Variants in CDH19 observed in about 807,000 individuals in gnomAD.
CDH19 encodes the protein cadherin-19.
In CDH19, 67 loss-of-function variants were observed where a neutral mutation model predicts 64.2. That is an observed-to-expected ratio of 1.04 (90% CI 0.86 to 1.28). The LOEUF is 1.28. CDH19 is among the 50% of genes most tolerant of loss of function. The pLI, the probability that CDH19 is intolerant of heterozygous loss-of-function variation, is 0.00. For synonymous variants in CDH19, 346 were observed against 319.3 expected (o/e 1.08, Z -0.89); for missense variants, 1,030 against 929.0 (o/e 1.11, Z -1.41).
intron 3 of CDH19, among the ~76,000 whole-genome samples, chr18:66,559,032 G>A (rs17799413): frequency 0.15 from 22,552 of 151,722 alleles, 1,806 homozygotes; most frequent in South Asian, 0.25. Flanking sequence ...TGAGAAATGC[G>A]GCTCCCATCC....
intron 7 of CDH19, among the ~76,000 whole-genome samples, chr18:66,535,689 CAT>C (rs905101462): frequency 2.7e-5 from 4 of 145,738 alleles, no homozygotes; most frequent in African/African-American, 2.5e-5. Context: ...TAACACATGA[CAT>C]ATTTTATTAC....
In CDH19 at chr18:66,582,639, C is replaced by CAAA. The variant is rs11410904; in HGVS notation, c.-112-10326_-112-10324dup. ...ATATAATTTGCATACTTACTGTCAC[C>CAAA]AAAAAAAAAAAAAAAAAAAAAAAGC... is the stretch of plus-strand genomic sequence containing the variant. On this transcript the variant is annotated intron_variant, in intron 1 of 11. Coordinates refer to ENST00000262150, the MANE Select transcript of CDH19 (RefSeq NM_021153.4). Among the ~76,000 whole-genome samples, 279 of 72,676 alleles carry CAAA rather than the reference C, an allele frequency of 3.8e-3. 5 individuals carry two copies. Among genetic ancestry groups the CAAA allele is most frequent in the East Asian group, 0.011 (24 of 2,116 alleles). 47.7% of individuals were successfully genotyped at this position (72,676 alleles called of 152,430 possible). A position where few individuals can be genotyped will look rare whatever the true frequency, so the allele number is the denominator to read the frequency against.
chr18:66,590,040 T>C (rs1988697220), intron 1 of CDH19, among the ~76,000 whole-genome samples: 2 of 151,896 alleles, frequency 1.3e-5, no homozygotes, highest in Middle Eastern at 3.2e-3. Context: ...ACCTCAATCT[T>C]TAAATAAATA....
At chr18:66,506,307 T>C (rs1022570089) in intron 11 of CDH19, among the ~76,000 whole-genome samples, 1 of 151,956 alleles carries the variant, frequency 6.6e-6, no homozygotes, top group Non-Finnish European at 1.5e-5. Context: ...GTAGAAGAGA[T>C]AAATTGGAAT....
At chr18:66,588,057 T>C (rs1988627849) in intron 1 of CDH19, among the ~76,000 whole-genome samples, 1 of 152,218 alleles carries the variant, frequency 6.6e-6, no homozygotes, top group African/African-American at 2.4e-5. Flanking sequence ...GTTGATTCAC[T>C]GCCAGAGCCA....
chr18:66,540,160 T>A (rs1019731678), intron 7 of CDH19, among the ~76,000 whole-genome samples: 1 of 152,226 alleles, frequency 6.6e-6, no homozygotes, highest in Non-Finnish European at 1.5e-5. Flanking sequence ...AATCTGCTAC[T>A]GGCTTCATTA....
intron 3 of CDH19, among the ~76,000 whole-genome samples, chr18:66,559,588 C>A (rs1427848526): frequency 6.6e-6 from 1 of 151,252 alleles, no homozygotes; most frequent in Admixed American, 6.6e-5. Context: ...TCAAAATATG[C>A]ATATAGTTAC....
At chr18:66,529,787 T>C in intron 9 of CDH19, 58 bp downstream of exon 9, 1 of 1,051,432 alleles carries the variant, frequency 9.5e-7, no homozygotes. Flanking sequence ...TGAAGAAATT[T>C]CATATTATGA....
chr18:66,505,405 A>G, intron 11 of CDH19, 103 bp from the exon 12 acceptor site: 1 of 876,846 alleles, frequency 1.1e-6, no homozygotes, highest in Non-Finnish European at 1.6e-6. Context: ...CTTAAACTTT[A>G]TGATTATAAA....
intron 3 of CDH19, among the ~76,000 whole-genome samples, chr18:66,556,137 T>G (rs534173810): frequency 3.3e-5 from 5 of 151,688 alleles, no homozygotes; most frequent in Admixed American, 1.3e-4. Context: ...TTTTTTAGCA[T>G]GCTTTTTCTA....
rs191354540 is a variant in CDH19, at chr18:66,543,057, G to A, written c.1214+914C>T. 7.9e-5 allele frequency among the ~76,000 whole-genome samples: 12 copies of A among 152,194 alleles called. No individual in the cohort carries two copies. The East Asian group carries it at 1.2e-3, about 15-fold the overall frequency. On this transcript the variant is annotated intron_variant, in intron 7 of 11. Transcript: ENST00000262150. Reference sequence around the variant, plus strand: ...TTTGTTGTCGTTGAGACGGAGTCTCGCTTTGTCACCCAGGCCGGAGTGCAG... The same window carrying A: ...TTTGTTGTCGTTGAGACGGAGTCTCACTTTGTCACCCAGGCCGGAGTGCAG...
chr18:66,569,981 G>A (rs62096297), intron 2 of CDH19, among the ~76,000 whole-genome samples: 1 of 151,506 alleles, frequency 6.6e-6, no homozygotes, highest in East Asian at 1.9e-4. Flanking sequence ...ATAACATGCC[G>A]AATATCAATG....
intron 3 of CDH19, among the ~76,000 whole-genome samples, chr18:66,564,866 T>C (rs1380407998): frequency 5.0e-5 from 1 of 19,934 alleles, no homozygotes; most frequent in Non-Finnish European, 1.1e-4. Flanking sequence ...ATGCCCCTTC[T>C]TTTTTTTTTT....
chr18:66,553,980 C>CCATAACA, intron 4 of CDH19, among the ~76,000 whole-genome samples: 1 of 88,810 alleles, frequency 1.1e-5, no homozygotes. Flanking sequence ...CTCAGTCATT[C>CCATAACA]TGCAGGGTTA....
At chr18:66,511,858 A>C (rs1183641623) in intron 9 of CDH19, among the ~76,000 whole-genome samples, 173 bp from the exon 10 acceptor site, 1 of 151,634 alleles carries the variant, frequency 6.6e-6, no homozygotes, top group Non-Finnish European at 1.5e-5. Flanking sequence ...CAGGTTAAAA[A>C]TATGTTCACT....
chr18:66,538,721 G>A (rs1986774027), intron 7 of CDH19, among the ~76,000 whole-genome samples: 1 of 152,030 alleles, frequency 6.6e-6, no homozygotes. Flanking sequence ...TATCAACAGG[G>A]TCATGCTTCC....
intron 1 of CDH19, among the ~76,000 whole-genome samples, chr18:66,593,729 C>T (rs975687563): frequency 3.3e-5 from 5 of 152,030 alleles, no homozygotes; most frequent in African/African-American, 4.8e-5. Flanking sequence ...TCTTTTATAT[C>T]GGCCTTCAAT....
At chr18:66,559,936 T>C (rs1488773240) in intron 3 of CDH19, among the ~76,000 whole-genome samples, 3 of 151,936 alleles carry the variant, frequency 2.0e-5, no homozygotes, top group African/African-American at 4.8e-5. Flanking sequence ...ACTGTATAAA[T>C]GGTTAACTTG....
At chr18:66,568,272 A>T (rs1402048764) in intron 3 of CDH19, 144 bp downstream of exon 3, 2 of 615,798 alleles carry the variant, frequency 3.2e-6, no homozygotes, top group Non-Finnish European at 5.4e-6. Context: ...GCATAGTCTA[A>T]TTTTTCAAAT....
Sources: gnomAD v4.1 joint callset for allele counts (sites outside exome capture counted in the v4.1 genomes callset) on GRCh38, gnomAD v4.1.1 for gene constraint, MANE v1.5 for transcripts, NCBI Gene and HGNC (gene_info 2026-07-23, HGNC 2026-07-21) for gene names.